The following CNTNAP2 variants were observed in gnomAD, a reference collection of about 807,000 sequenced individuals.
CNTNAP2 encodes contactin-associated protein-like 2.
Under a neutral mutation model 155.2 loss-of-function variants are expected in CNTNAP2, and 98 were observed. The observed-to-expected ratio is 0.63, with a 90% CI of 0.54 to 0.75. The LOEUF is 0.75. Ranked by LOEUF, CNTNAP2 falls within the 30% of genes least tolerant of loss-of-function variation. The pLI is 0.00. For missense variants in CNTNAP2, 1,727 were observed against 1,688.1 expected, an observed-to-expected ratio of 1.02 and a Z score of -0.40; for synonymous variants, 651 against 631.2, an observed-to-expected ratio of 1.03 and a Z score of -0.47.
At chr7:146,523,158 C>T (rs1243265012) in intron 1 of CNTNAP2, among the ~76,000 whole-genome samples, 2 of 151,962 alleles carry the variant, frequency 1.3e-5, no homozygotes, top group East Asian at 3.9e-4. Flanking sequence ...CCACGCTTTC[C>T]CCCAAGTCCC....
chr7:146,233,363 G>A (rs1477348252), intron 1 of CNTNAP2, among the ~76,000 whole-genome samples: 2 of 152,066 alleles, frequency 1.3e-5, no homozygotes, highest in Non-Finnish European at 2.9e-5. Flanking sequence ...TAATTAGCCA[G>A]TGGTTTTTCA....
chr7:146,216,762 T>C (rs1799121050), intron 1 of CNTNAP2, among the ~76,000 whole-genome samples: 1 of 152,206 alleles, frequency 6.6e-6, no homozygotes, highest in African/African-American at 2.4e-5. Flanking sequence ...AACCAGTGAC[T>C]GTCATTCCAT....
intron 20 of CNTNAP2, among the ~76,000 whole-genome samples, chr7:148,250,378 C>T (rs148672936): frequency 4.6e-4 from 70 of 152,240 alleles, no homozygotes; most frequent in African/African-American, 1.4e-3. Flanking sequence ...AGGAAGGAAG[C>T]GATATGAGGG....
chr7:148,312,670 G>C (rs1008134255), intron 21 of CNTNAP2, among the ~76,000 whole-genome samples: 4 of 152,194 alleles, frequency 2.6e-5, no homozygotes, highest in Non-Finnish European at 4.4e-5. Flanking sequence ...TGTAAGCCTT[G>C]TCTGGTTTTA....
chr7:147,405,235 T>C (rs1323606915), intron 10 of CNTNAP2, among the ~76,000 whole-genome samples: 2 of 152,236 alleles, frequency 1.3e-5, no homozygotes, highest in Non-Finnish European at 2.9e-5. Context: ...GCCAATCGAT[T>C]TTATTTCTTG....
At chr7:146,906,046 G>T (rs1050842305) in intron 3 of CNTNAP2, among the ~76,000 whole-genome samples, 1 of 152,184 alleles carries the variant, frequency 6.6e-6, no homozygotes, top group Non-Finnish European at 1.5e-5. Flanking sequence ...GGTGACGGAC[G>T]CACCTGGAAA....
At chr7:146,854,245 C>T (rs746006480) in intron 3 of CNTNAP2, among the ~76,000 whole-genome samples, 14 of 152,178 alleles carry the variant, frequency 9.2e-5, no homozygotes, top group Non-Finnish European at 1.6e-4. Context: ...GTGGTTTCCT[C>T]TGTTGAAGGG....
intron 13 of CNTNAP2, among the ~76,000 whole-genome samples, chr7:147,667,517 A>C (rs1795715426): frequency 6.6e-6 from 1 of 152,196 alleles, no homozygotes; most frequent in East Asian, 1.9e-4. Context: ...AGGAGCCATA[A>C]GAAGTCATGG....
rs145318474 is a variant in CNTNAP2 at position 147,859,313 on chromosome 7, A to G, written c.2099-44252A>G. Among the ~76,000 whole-genome samples, 566 of 152,062 alleles carry G rather than the reference A, an allele frequency of 3.7e-3. 8 individuals are homozygous for G. The highest frequency in any genetic ancestry group is 0.034 in the East Asian group (174 of 5,150). On this transcript the variant is annotated intron_variant, in intron 13 of 23. Transcript: ENST00000361727. Reference sequence around the variant, plus strand: ...CTGTTATGTTACATAGTAATTTGTCATCTCATGAGATCACCAAGGAGAGAA... The same window carrying G: ...CTGTTATGTTACATAGTAATTTGTCGTCTCATGAGATCACCAAGGAGAGAA...
intron 15 of CNTNAP2, among the ~76,000 whole-genome samples, chr7:148,032,157 A>T (rs7797264): frequency 0.34 from 51,639 of 151,990 alleles, 10,072 homozygotes; most frequent in East Asian, 0.77. Context: ...ATCCGCCTGG[A>T]AGAGATGTTC....
At chr7:147,264,177 A>G (rs773643863) in intron 8 of CNTNAP2, among the ~76,000 whole-genome samples, 1 of 152,206 alleles carries the variant, frequency 6.6e-6, no homozygotes, top group Non-Finnish European at 1.5e-5. Context: ...CGCATGAAAA[A>G]TGATTACTCA....
intron 3 of CNTNAP2, among the ~76,000 whole-genome samples, chr7:146,980,618 A>G (rs1797997281): frequency 6.6e-6 from 1 of 152,174 alleles, no homozygotes; most frequent in African/African-American, 2.4e-5. Context: ...CAGTCATGGC[A>G]GAAGGGGAAG....
chr7:147,346,567 A>T (rs1378299173), intron 9 of CNTNAP2, among the ~76,000 whole-genome samples: 1 of 152,176 alleles, frequency 6.6e-6, no homozygotes, highest in East Asian at 1.9e-4. Flanking sequence ...AAACATATTA[A>T]AGGGATCTGA....
intron 11 of CNTNAP2, among the ~76,000 whole-genome samples, chr7:147,550,504 C>G (rs1799830951): frequency 6.6e-6 from 1 of 152,164 alleles, no homozygotes; most frequent in Non-Finnish European, 1.5e-5. Context: ...ACTGGGAGTC[C>G]ATTAAACTAT....
At chr7:147,225,437 G>A (rs953704849) in intron 8 of CNTNAP2, among the ~76,000 whole-genome samples, 1 of 152,042 alleles carries the variant, frequency 6.6e-6, no homozygotes, top group Non-Finnish European at 1.5e-5. Context: ...CCCTTTCGGT[G>A]TAGGGATAAA....
chr7:147,373,309 C>T (rs1002905085), intron 9 of CNTNAP2, among the ~76,000 whole-genome samples: 8 of 151,692 alleles, frequency 5.3e-5, no homozygotes, highest in South Asian at 4.2e-4. Context: ...GACGTGGTTT[C>T]GGTGATTCAT....
chr7:147,669,362 A>G (rs568547200), intron 13 of CNTNAP2, among the ~76,000 whole-genome samples: 11 of 152,230 alleles, frequency 7.2e-5, no homozygotes, highest in Non-Finnish European at 1.5e-4. Context: ...CTATATTACT[A>G]TGTTAAAATG....
At chr7:147,371,777 T>G (rs995359509) in intron 9 of CNTNAP2, among the ~76,000 whole-genome samples, 1 of 152,176 alleles carries the variant, frequency 6.6e-6, no homozygotes, top group Non-Finnish European at 1.5e-5. Context: ...GTACATGCAC[T>G]ATGTATACAT....
At chr7:146,366,684 C>T (rs1795160559) in intron 1 of CNTNAP2, among the ~76,000 whole-genome samples, 1 of 152,138 alleles carries the variant, frequency 6.6e-6, no homozygotes, top group Non-Finnish European at 1.5e-5. Context: ...AGATATTGTC[C>T]ATCATTTATT....
Sources: allele counts gnomAD v4.1 joint callset (sites outside exome capture counted in the v4.1 genomes callset), GRCh38; gene constraint gnomAD v4.1.1; transcripts MANE v1.5; gene names NCBI Gene and HGNC (gene_info 2026-07-23, HGNC 2026-07-21).